The following ZNF423 variants were observed in gnomAD, a reference collection of about 807,000 sequenced individuals.
ZNF423 encodes the protein zinc finger protein 423, also known as Ebf-associated zinc finger protein.
In ZNF423, 12 loss-of-function variants were observed where a neutral mutation model predicts 95.8. That is an observed-to-expected ratio of 0.13 (90% CI 0.08 to 0.20). The LOEUF (loss-of-function observed/expected upper bound fraction) is 0.20. ZNF423 is among the 10% of genes least tolerant of loss of function. The pLI is 1.00. For missense variants in ZNF423, 1,316 were observed against 1,737.1 expected (o/e 0.76, Z 4.31); for synonymous variants, 749 against 711.9 (o/e 1.05, Z -0.83).
At chr16:49,800,765 A>G (rs1041034223) in intron 1 of ZNF423, among the ~76,000 whole-genome samples, 4 of 152,182 alleles carry the variant, frequency 2.6e-5, no homozygotes, top group African/African-American at 9.7e-5. Context: ...TTTTCTGGTG[A>G]GGAAACAAAG....
intron 3 of ZNF423, among the ~76,000 whole-genome samples, chr16:49,699,424 G>A (rs1038732512): frequency 2.0e-5 from 3 of 152,126 alleles, no homozygotes; most frequent in African/African-American, 7.2e-5. Flanking sequence ...ACTGCTCCAC[G>A]GAAGCTTTCT....
intron 5 of ZNF423, among the ~76,000 whole-genome samples, chr16:49,548,538 G>T (rs899004048): frequency 6.6e-6 from 1 of 152,124 alleles, no homozygotes; most frequent in Non-Finnish European, 1.5e-5. Context: ...AAGCAAATAT[G>T]AAGGAGCAGC....
At chr16:49,625,772 T>C (rs1035117647) in intron 5 of ZNF423, among the ~76,000 whole-genome samples, 1 of 152,252 alleles carries the variant, frequency 6.6e-6, no homozygotes, top group African/African-American at 2.4e-5. Flanking sequence ...TTGTAAGCGT[T>C]CTGTTTTGAC....
At chr16:49,518,242 C>G (rs1052640982) in intron 7 of ZNF423, 1 of 383,688 alleles carries the variant, frequency 2.6e-6, no homozygotes, top group African/African-American at 2.1e-5. Flanking sequence ...TATTTTGAAC[C>G]ATTTCTTGCA....
In ZNF423 at chr16:49,649,208, G is replaced by A. The variant is rs924606561; in HGVS notation, c.302-10334C>T. ...GGCAGAACCTCAAGCCCAGAGGGTG[G>A]AGCCATGAGCCATAGTGGATGAGAT... is the stretch of plus-strand genomic sequence containing the variant. On this transcript the variant is annotated intron_variant, in intron 3 of 7. Transcript: ENST00000563137. Among the ~76,000 whole-genome samples the A allele has an allele frequency of 2.0e-5, 3 of 152,182 alleles. No homozygotes were observed. The South Asian group carries it at 6.2e-4, about 31-fold the overall frequency.
intron 3 of ZNF423, among the ~76,000 whole-genome samples, chr16:49,709,740 A>G (rs2032484744): frequency 6.6e-6 from 1 of 152,168 alleles, no homozygotes; most frequent in African/African-American, 2.4e-5. Flanking sequence ...GCCCCAACAT[A>G]GCTTATTAGT....
chr16:49,575,145 C>T (rs1052741643), intron 5 of ZNF423, among the ~76,000 whole-genome samples: 6 of 152,246 alleles, frequency 3.9e-5, no homozygotes, highest in African/African-American at 1.4e-4. Flanking sequence ...GGCTCATTCA[C>T]GCGAACCCAG....
At chr16:49,858,564 G>A (rs2035396752), upstream of ZNF423, among the ~76,000 whole-genome samples, 1 of 152,186 alleles carries the variant, frequency 6.6e-6, no homozygotes. This position sits in a 1 kb window ranked among gnomAD's most constrained non-coding sequence, Gnocchi z 4.3. Flanking sequence ...CTCCCCAGAG[G>A]GGCGGAGGCC....
upstream of ZNF423, among the ~76,000 whole-genome samples, chr16:49,856,591 G>C (rs2035373310): frequency 6.6e-6 from 1 of 151,578 alleles, no homozygotes; most frequent in Non-Finnish European, 1.5e-5. Flanking sequence ...CGAAACGGCC[G>C]CAGTGGCTCG....
At position 49,730,754 on chromosome 16, in the gene ZNF423, G is replaced by C; in HGVS notation, c.301+17C>G. ...CGTGTAACCACCTGTCAGAGTCCTG[G>C]GGCTGTTTTGCATTACCTCCAGGAC... On this transcript the variant is annotated intron_variant, in intron 3 of 7. Coordinates refer to ENST00000563137, the MANE Select transcript of ZNF423 (RefSeq NM_001379286.1). 1 of 1,614,084 alleles carries C rather than the reference G, an allele frequency of 6.2e-7. No individual in the cohort carries two copies.
In ZNF423 at chr16:49,730,877, A is replaced by T. The variant is rs768528918; in HGVS notation, c.195T>A (p.Asp65Glu). ...TTGATTCATCCTCCATGTCTTCATC[A>T]TCCTCATTTCTCTCCTCTTGACTTG... ...SVTSQEERNE[D>E]DEDMEDESIY... Residue 65 changes from aspartate to glutamate, a missense_variant, in exon 3 of 8, where the codon GAT (aspartate) becomes GAA (glutamate). By Grantham distance (45) the Asp-to-Glu change is conservative. This residue lies in a region of ZNF423 where 155 missense variants were observed against 170.8 expected (regional missense o/e 0.91). Coordinates refer to ENST00000563137, the MANE Select transcript of ZNF423 (RefSeq NM_001379286.1). 1 of 1,614,070 alleles carries T rather than the reference A, an allele frequency of 6.2e-7. No individual in the cohort carries two copies. The highest frequency in any genetic ancestry group is 8.5e-7 in the Non-Finnish European group (1 of 1,180,016).
intron 3 of ZNF423, among the ~76,000 whole-genome samples, chr16:49,674,548 C>A (rs540535572): frequency 1.3e-5 from 2 of 152,236 alleles, no homozygotes; most frequent in East Asian, 3.9e-4. Context: ...GCAGTGTGGC[C>A]CAGAGTCCAC....
rs557923281 is a variant in ZNF423 at position 49,764,799 on chromosome 16, T to C, written c.100+24688A>G. 5.9e-5 allele frequency: 9 copies of C among 151,688 alleles called. No homozygotes were observed. The East Asian group carries it at 1.7e-3, about 29-fold the overall frequency. The allele number at this position is 151,688 out of a possible 1,614,324, so 9.4% of individuals were successfully genotyped here. On this transcript the variant is annotated intron_variant, in intron 2 of 7. Coordinates refer to ENST00000563137, the MANE Select transcript of ZNF423 (RefSeq NM_001379286.1). Reference sequence around the variant, plus strand: ...TCTTACTCTGTCCCCCAGGCTGGAGTGTAGTGGCACGATCTCGGCCCACTA... The same window carrying C: ...TCTTACTCTGTCCCCCAGGCTGGAGCGTAGTGGCACGATCTCGGCCCACTA...
At chr16:49,698,226 G>A (rs1017999078) in intron 3 of ZNF423, among the ~76,000 whole-genome samples, 3 of 151,822 alleles carry the variant, frequency 2.0e-5, no homozygotes, top group Non-Finnish European at 4.4e-5. Flanking sequence ...GTCTCTAATT[G>A]TGTCTTTTCT....
intron 3 of ZNF423, among the ~76,000 whole-genome samples, chr16:49,663,389 C>G (rs987166234): frequency 2.0e-5 from 3 of 152,146 alleles, no homozygotes; most frequent in African/African-American, 7.2e-5. Context: ...ACTGAGGCCC[C>G]CCAGCCCACC....
At chr16:49,559,953 T>C (rs1969963278) in intron 5 of ZNF423, among the ~76,000 whole-genome samples, 1 of 152,198 alleles carries the variant, frequency 6.6e-6, no homozygotes, top group South Asian at 2.1e-4. Context: ...TCTTTGGTCT[T>C]TGGCTGTCTA....
intron 5 of ZNF423, among the ~76,000 whole-genome samples, chr16:49,555,120 A>G (rs1185797634): frequency 6.6e-6 from 1 of 152,184 alleles, no homozygotes; most frequent in African/African-American, 2.4e-5. Context: ...CACATATTAA[A>G]CACACCTACA....
intron 1 of ZNF423, among the ~76,000 whole-genome samples, chr16:49,798,873 C>G (rs1246332199): frequency 6.6e-6 from 1 of 152,114 alleles, no homozygotes; most frequent in Non-Finnish European, 1.5e-5. Flanking sequence ...GCCACTGTGC[C>G]CCTTCCTCTC....
intron 5 of ZNF423, among the ~76,000 whole-genome samples, chr16:49,604,540 C>A (rs2038441758): frequency 6.6e-6 from 1 of 152,154 alleles, no homozygotes; most frequent in African/African-American, 2.4e-5. Context: ...TAAATAGTTG[C>A]ATCACCTCAG....
Sources: allele counts gnomAD v4.1 joint callset (sites outside exome capture counted in the v4.1 genomes callset), GRCh38; gene constraint gnomAD v4.1.1; regional missense constraint gnomAD v4.1.1; non-coding constraint Gnocchi (gnomAD v3.1); transcripts MANE v1.5; gene names NCBI Gene and HGNC (gene_info 2026-07-23, HGNC 2026-07-21).